The following DOC2A variants were observed in gnomAD, a reference collection of about 807,000 sequenced individuals.
The protein encoded by DOC2A is double C2 domain alpha, also known as double C2-like domain-containing protein alpha.
In DOC2A, 28 loss-of-function variants were observed where a neutral mutation model predicts 40.6. The ratio of observed to expected loss-of-function variants is 0.69; its 90% CI spans 0.51 to 0.95. DOC2A has a LOEUF of 0.95. Among genes scored for constraint, DOC2A ranks in the 40% least tolerant of loss-of-function variants. The probability of loss-of-function intolerance (pLI) is 0.00; values close to 1 mark genes in which losing one functional copy is unlikely to be tolerated. For missense variants in DOC2A, 474 were observed against 552.5 expected (o/e 0.86, Z 1.42); for synonymous variants, 241 against 236.9 (o/e 1.02, Z -0.16).
intron 1 of DOC2A, among the ~76,000 whole-genome samples, chr16:30,020,801 C>G (rs1567289399): frequency 6.6e-6 from 1 of 152,008 alleles, no homozygotes; most frequent in Non-Finnish European, 1.5e-5. Flanking sequence ...GAGCCAAGAT[C>G]GTGCCACTGC....
chr16:30,019,184 G>T (rs1350709340), intron 1 of DOC2A, among the ~76,000 whole-genome samples: 1 of 152,166 alleles, frequency 6.6e-6, no homozygotes, highest in Non-Finnish European at 1.5e-5. Context: ...TGGGTGTGGT[G>T]GTGGGTGCCT....
chr16:30,017,118 TA>T (rs1040998917), upstream of DOC2A, among the ~76,000 whole-genome samples: 25 of 145,844 alleles, frequency 1.7e-4, no homozygotes, highest in East Asian at 4.0e-4. Context: ...AAACCCTGTC[TA>T]AAAAAAAAAA....
At position 30,006,385 on chromosome 16, in the gene DOC2A, C is replaced by T; in HGVS notation, c.1057+28G>A. 2 of 1,613,612 alleles carry T rather than the reference C, an allele frequency of 1.2e-6. No individual in the cohort carries two copies. The highest frequency in any genetic ancestry group is 1.7e-6 in the Non-Finnish European group (2 of 1,179,948). Reference sequence around the variant, plus strand: ...CACCTCCCTGCCACTTGCCCGCCCTCAACACCCGCAGCCAGCTCCTCCCTC... The same window carrying T: ...CACCTCCCTGCCACTTGCCCGCCCTTAACACCCGCAGCCAGCTCCTCCCTC... On this transcript the variant is annotated intron_variant, in intron 10 of 10. Coordinates refer to ENST00000350119, the MANE Select transcript of DOC2A (RefSeq NM_003586.3). The surrounding 1 kb of genome is among the most constrained non-coding windows in gnomAD (Gnocchi z 6.2).
chr16:30,010,089 C>A lies in DOC2A; in HGVS notation c.134G>T (p.Gly45Val). ...YFPRGPGPEG[G>V]GGGGGEAPAH... is the part of the protein sequence containing the mutation. The stretch of plus-strand genomic sequence containing the variant: ...GGGGGCCTCCCCGCCGCCCCCGCCG[C>A]CCCCTTCAGGTCCTGGTCCCCGGGG... The change falls in exon 2 of 11, where the codon GGC (glycine) becomes GTC (valine). Residue 45 changes from glycine (G) to valine (V), a missense_variant. By Grantham distance (109) the Gly-to-Val change is moderately radical. Coordinates refer to ENST00000350119, the MANE Select transcript of DOC2A (RefSeq NM_003586.3). This position sits in a 1 kb window ranked among gnomAD's most constrained non-coding sequence, Gnocchi z 4.2. 1.2e-6 allele frequency: 2 copies of A among 1,612,546 alleles called. No homozygotes were observed. Among genetic ancestry groups the A allele is most frequent in the East Asian group, 4.5e-5 (2 of 44,872 alleles).
At chr16:30,016,534 G>A (rs536635688), upstream of DOC2A, among the ~76,000 whole-genome samples, 3 of 152,144 alleles carry the variant, frequency 2.0e-5, no homozygotes, top group Admixed American at 6.5e-5. Flanking sequence ...GGAACCTGTC[G>A]AGTCCTCTCT....
upstream of DOC2A, among the ~76,000 whole-genome samples, chr16:30,022,514 T>C (rs576559135): frequency 2.0e-3 from 298 of 151,734 alleles, no homozygotes; most frequent in Non-Finnish European, 3.8e-3. Flanking sequence ...CTACAAAAAA[T>C]GCAAAAATTA....
chr16:30,010,419 T>TCC lies in DOC2A; in HGVS notation c.-13-186_-13-185dup, dbSNP rs1341402058. Reference sequence around the variant, plus strand: ...TGGGCCCTGCAGACCCCAAGCTGACTCCACAGGGGCTGGGCTGCCAACCCA... The same window carrying TCC: ...TGGGCCCTGCAGACCCCAAGCTGACTCCCCACAGGGGCTGGGCTGCCAACCCA... On this transcript the variant is annotated intron_variant, in intron 1 of 10. Transcript: ENST00000350119. The surrounding 1 kb of genome is among the most constrained non-coding windows in gnomAD (Gnocchi z 4.2). The TCC allele has an allele frequency of 1.3e-6, 1 of 767,756 alleles. No homozygotes were observed. Among genetic ancestry groups the TCC allele is most frequent in the African/African-American group, 1.7e-5 (1 of 58,236 alleles). 47.6% of individuals were successfully genotyped at this position (767,756 alleles called of 1,614,324 possible). A position where few individuals can be genotyped will look rare whatever the true frequency, so the allele number is the denominator to read the frequency against.
upstream of DOC2A, chr16:30,022,961 C>T: frequency 5.6e-6 from 1 of 177,828 alleles, no homozygotes; most frequent in South Asian, 1.3e-4. Context: ...ACCCTGTCTC[C>T]AAAAAAATGA....
At position 30,010,316 on chromosome 16, in the gene DOC2A, G is replaced by A; in HGVS notation, c.-13-81C>T. 6.3e-7 allele frequency: 1 copy of A among 1,577,434 alleles called. No homozygotes were observed. Among genetic ancestry groups the A allele is most frequent in the Non-Finnish European group, 8.6e-7 (1 of 1,159,240 alleles). On this transcript the variant is annotated intron_variant, in intron 1 of 10. Transcript: ENST00000350119. This position sits in a 1 kb window ranked among gnomAD's most constrained non-coding sequence, Gnocchi z 4.2. ...GGCCAGGCGACGGCCTCCTCGGTCT[G>A]TGGGGCCCTCACTGGCCTCCCTTCC...
chr16:30,019,821 AC>A (rs2070892193), intron 1 of DOC2A, among the ~76,000 whole-genome samples: 1 of 151,180 alleles, frequency 6.6e-6, no homozygotes, highest in South Asian at 2.1e-4. Context: ...TGCAACCTCC[AC>A]CTACCGGGCT....
At chr16:30,007,809 G>C (rs2070667409) in intron 5 of DOC2A, 2 of 224,812 alleles carry the variant, frequency 8.9e-6, no homozygotes, top group Non-Finnish European at 1.8e-5. Flanking sequence ...CCACTACCAG[G>C]CTGGGCATCT....
chr16:30,005,637 C>G lies in DOC2A; in HGVS notation c.*549G>C. 2 of 609,390 alleles carry G rather than the reference C, an allele frequency of 3.3e-6. No individual in the cohort carries two copies. Among genetic ancestry groups the G allele is most frequent in the Non-Finnish European group, 5.7e-6 (2 of 349,752 alleles). The allele number at this position is 609,390 out of a possible 1,614,324, so 37.7% of individuals were successfully genotyped here. ...CAGGGGCCCTGCCTTCAAACCCCGGCCCCCTCCAGGGGACAGTTATTTAAA... is the reference window on the plus strand; with the variant it reads ...CAGGGGCCCTGCCTTCAAACCCCGGGCCCCTCCAGGGGACAGTTATTTAAA... On this transcript the variant is annotated 3_prime_UTR_variant, in exon 11 of 11. Coordinates refer to ENST00000350119, the MANE Select transcript of DOC2A (RefSeq NM_003586.3).
chr16:30,021,391 C>T (rs963449009), upstream of DOC2A: 1 of 152,270 alleles, frequency 6.6e-6, no homozygotes, highest in African/African-American at 2.4e-5. Flanking sequence ...AGGGCGCTCT[C>T]CTTAGCTGGG....
At chr16:30,011,090 G>T, upstream of DOC2A, 1 of 927,994 alleles carries the variant, frequency 1.1e-6, no homozygotes, top group Non-Finnish European at 1.3e-6. Context: ...GGGGGACGGG[G>T]AGGGGCGCTG....
chr16:30,012,268 C>CA (rs1215965639), upstream of DOC2A: 2 of 152,200 alleles, frequency 1.3e-5, no homozygotes, highest in Non-Finnish European at 1.5e-5. Flanking sequence ...CTTCCTGGGG[C>CA]ATCCCGCACT....
intron 5 of DOC2A, 28 bp from the exon 6 acceptor site, chr16:30,007,327 C>T (rs544510908): frequency 1.9e-6 from 3 of 1,613,414 alleles, no homozygotes; most frequent in African/African-American, 2.7e-5. Flanking sequence ...TGTCAGGGCC[C>T]CTGGGGTACC....
upstream of DOC2A, chr16:30,023,198 CTCTCT>C (rs2070939591): frequency 1.8e-5 from 12 of 671,470 alleles, no homozygotes; most frequent in South Asian, 3.6e-5. Context: ...TGGTCCCAAC[CTCTCT>C]TCTCCTCTCC....
chr16:30,011,530 G>T (rs1459835218), upstream of DOC2A: 1 of 529,562 alleles, frequency 1.9e-6, no homozygotes, highest in Non-Finnish European at 2.4e-6. Flanking sequence ...TCATGGCGAC[G>T]CCGGCTCATC....
Position 30,010,526 on chromosome 16 carries a change from T to G in DOC2A, c.-13-291A>C. ...GTCCCTGTATCATCTTGCCAGCTCC[T>G]TCCTCTCCTCCGGGGCTCCCCTCTG... On this transcript the variant is annotated intron_variant, in intron 1 of 10. Coordinates refer to ENST00000350119, the MANE Select transcript of DOC2A (RefSeq NM_003586.3). The surrounding 1 kb of genome is among the most constrained non-coding windows in gnomAD (Gnocchi z 4.2). 1.1e-5 allele frequency: 5 copies of G among 474,944 alleles called. No homozygotes were observed. Among genetic ancestry groups the G allele is most frequent in the African/African-American group, 2.0e-5 (1 of 50,820 alleles). 29.4% of individuals were successfully genotyped at this position (474,944 alleles called of 1,614,324 possible).
Sources: gnomAD v4.1 joint callset for allele counts (sites outside exome capture counted in the v4.1 genomes callset) on GRCh38, gnomAD v4.1.1 for gene constraint, Gnocchi (gnomAD v3.1) non-coding constraint, MANE v1.5 for transcripts, NCBI Gene and HGNC (gene_info 2026-07-23, HGNC 2026-07-21) for gene names.